Variants in PRUNE2 observed in about 807,000 individuals in gnomAD.
PRUNE2 encodes the protein protein prune homolog 2.
PRUNE2 carries 164 observed loss-of-function variants against 252.0 expected under a neutral mutation model. The ratio of observed to expected loss-of-function variants is 0.65; its 90% confidence interval spans 0.57 to 0.74. The LOEUF is 0.74. PRUNE2 is among the 30% of genes least tolerant of loss of function. The pLI is 0.00. For missense variants in PRUNE2, 3,495 were observed against 3,711.0 expected (o/e 0.94, Z 1.51); for synonymous variants, 1,292 against 1,350.2 (o/e 0.96, Z 0.94).
intron 15 of PRUNE2, among the ~76,000 whole-genome samples, chr9:76,633,409 G>T (rs945703720): frequency 6.6e-6 from 1 of 151,298 alleles, no homozygotes; most frequent in African/African-American, 2.4e-5. Flanking sequence ...GGCAAATCCT[G>T]TCTCTGCCAA....
At chr9:76,667,909 A>T (rs994190198) in intron 9 of PRUNE2, among the ~76,000 whole-genome samples, 1 of 152,194 alleles carries the variant, frequency 6.6e-6, no homozygotes, top group African/African-American at 2.4e-5. Context: ...TGTTCCAATA[A>T]AACTTTATGG....
Position 76,664,246 on chromosome 9 carries a change from T to C in PRUNE2, c.8277-8744A>G, listed in dbSNP as rs535023295. ...CTGGGAGAAACCAGCTACCCTGTTG[T>C]AAGGACAGTCAAGCAGCCCTGTGGA... On this transcript the variant is annotated intron_variant, in intron 9 of 18. Transcript: ENST00000376718. Among the ~76,000 whole-genome samples, 29 of 152,246 alleles carry C rather than the reference T, an allele frequency of 1.9e-4. No homozygotes were observed. In the East Asian group the frequency reaches 5.0e-3, roughly 26 times the overall value.
chr9:76,679,082 G>A lies in PRUNE2; in HGVS notation c.8277-23580C>T, dbSNP rs536632329. Among the ~76,000 whole-genome samples the A allele has an allele frequency of 5.4e-4, 82 of 152,248 alleles. 1 individual carries two copies. The highest frequency in any genetic ancestry group is 1.9e-3 in the African/African-American group (79 of 41,544). ...CCTTTTAAAATGTGCAACCTTATAC[G>A]AGTTACAGAATTTCTATATGCCTCA... On this transcript the variant is annotated intron_variant, in intron 9 of 18. Transcript: ENST00000376718.
intron 1 of PRUNE2, among the ~76,000 whole-genome samples, chr9:76,885,478 A>C (rs1392300182): frequency 2.6e-5 from 4 of 152,202 alleles, no homozygotes; most frequent in Non-Finnish European, 4.4e-5. Flanking sequence ...AGTCCTGATT[A>C]CCTGGGTCTA....
chr9:76,819,859 T>C (rs2131888774), intron 6 of PRUNE2, among the ~76,000 whole-genome samples: 1 of 152,322 alleles, frequency 6.6e-6, no homozygotes, highest in Admixed American at 6.5e-5. Flanking sequence ...CGTTTTAATA[T>C]ACTGCTTTAC....
intron 1 of PRUNE2, among the ~76,000 whole-genome samples, chr9:76,873,400 G>A (rs1346226487): frequency 6.6e-6 from 1 of 152,134 alleles, no homozygotes; most frequent in African/African-American, 2.4e-5. Context: ...CTCTGCCACT[G>A]TACTTCCCGA....
intron 1 of PRUNE2, among the ~76,000 whole-genome samples, chr9:76,861,212 G>A (rs2060527310): frequency 6.6e-6 from 1 of 152,172 alleles, no homozygotes; most frequent in Non-Finnish European, 1.5e-5. Flanking sequence ...CAGGGATAAA[G>A]TCACATTCTT....
intron 6 of PRUNE2, among the ~76,000 whole-genome samples, chr9:76,795,794 CA>C (rs2056041481): frequency 6.6e-6 from 1 of 152,156 alleles, no homozygotes; most frequent in Admixed American, 6.5e-5. Context: ...CCCATTAATT[CA>C]AAGCCCCAGG....
chr9:76,782,629 G>A (rs535592241), intron 6 of PRUNE2: 2 of 152,314 alleles, frequency 1.3e-5, no homozygotes, highest in South Asian at 2.1e-4. Flanking sequence ...GGAGTTATAA[G>A]CGCAGAGTTT....
At chr9:76,644,438 C>T (rs1564431808) in intron 12 of PRUNE2, 1 of 420,282 alleles carries the variant, frequency 2.4e-6, no homozygotes, top group South Asian at 2.0e-5. Context: ...ATAAGAATGC[C>T]AAACAGACAT....
chr9:76,713,779 G>C, intron 6 of PRUNE2, 58 bp from the exon 7 acceptor site: 1 of 1,292,270 alleles, frequency 7.7e-7, no homozygotes, highest in Non-Finnish European at 1.1e-6. Context: ...GCGGGGAGTT[G>C]TTCCACAAAT....
intron 6 of PRUNE2, among the ~76,000 whole-genome samples, chr9:76,811,141 C>A (rs557390079): frequency 6.6e-6 from 1 of 152,140 alleles, no homozygotes; most frequent in African/African-American, 2.4e-5. Context: ...ATGTAATTAG[C>A]CAAATCCTTC....
chr9:76,837,828 G>A (rs1235918955), intron 4 of PRUNE2, among the ~76,000 whole-genome samples: 3 of 148,668 alleles, frequency 2.0e-5, no homozygotes, highest in Middle Eastern at 3.2e-3. Flanking sequence ...CTGGAGTGCA[G>A]TGGCGCAATC....
intron 6 of PRUNE2, among the ~76,000 whole-genome samples, chr9:76,796,592 C>T (rs2056110740): frequency 6.6e-6 from 1 of 152,164 alleles, no homozygotes; most frequent in African/African-American, 2.4e-5. Flanking sequence ...GAAAGAATGC[C>T]TCCTTACAGC....
intron 6 of PRUNE2, among the ~76,000 whole-genome samples, chr9:76,731,027 T>C (rs1041662587): frequency 3.9e-5 from 6 of 152,196 alleles, no homozygotes; most frequent in African/African-American, 7.2e-5. Flanking sequence ...ATGCAGGATC[T>C]CAATATGATA....
chr9:76,815,500 G>A (rs555843010), intron 6 of PRUNE2, among the ~76,000 whole-genome samples: 161 of 152,268 alleles, frequency 1.1e-3, no homozygotes, highest in African/African-American at 3.8e-3. Context: ...CCCGCAAGCC[G>A]TTTTATAAAG....
chr9:76,749,403 A>C, intron 6 of PRUNE2, among the ~76,000 whole-genome samples: 1 of 152,250 alleles, frequency 6.6e-6, no homozygotes, highest in East Asian at 1.9e-4. Flanking sequence ...ACTGCAAATC[A>C]GAGAATCTTT....
intron 9 of PRUNE2, among the ~76,000 whole-genome samples, chr9:76,670,531 G>C (rs1460184569): frequency 2.6e-5 from 4 of 151,678 alleles, no homozygotes; most frequent in Admixed American, 6.6e-5. Flanking sequence ...CAGGAAGCTC[G>C]AACTGGGTGG....
intron 1 of PRUNE2, among the ~76,000 whole-genome samples, chr9:76,861,361 T>C (rs1318090614): frequency 6.6e-6 from 1 of 152,222 alleles, no homozygotes; most frequent in Non-Finnish European, 1.5e-5. Flanking sequence ...GTCTCAAATG[T>C]TCTCCAGGTA....
Sources: gnomAD v4.1 joint callset for allele counts (sites outside exome capture counted in the v4.1 genomes callset) on GRCh38, gnomAD v4.1.1 for gene constraint, MANE v1.5 for transcripts, NCBI Gene and HGNC (gene_info 2026-07-23, HGNC 2026-07-21) for gene names.